The following CSMD1 variants were observed in gnomAD, a reference collection of about 807,000 sequenced individuals.
CSMD1 encodes the protein CUB and sushi domain-containing protein 1.
A neutral mutation model predicts 417.5 loss-of-function variants in CSMD1; 213 were observed. The ratio of observed to expected loss-of-function variants is 0.51; its 90% CI spans 0.46 to 0.57. The LOEUF (loss-of-function observed/expected upper bound fraction) is 0.57. Among genes scored for constraint, CSMD1 ranks in the 20% least tolerant of loss-of-function variants. CSMD1 has a pLI of 0.00. For missense variants in CSMD1, 6,923 were observed against 4,529.7 expected (o/e 1.53, Z -15.17); for synonymous variants, 2,862 against 1,736.8 (o/e 1.65, Z -16.11).
intron 6 of CSMD1, among the ~76,000 whole-genome samples, chr8:3,714,335 C>A (rs900730157): frequency 6.6e-6 from 1 of 150,752 alleles, no homozygotes; most frequent in Non-Finnish European, 1.5e-5. Context: ...AGCTACTAAT[C>A]TTTTATATTT....
intron 1 of CSMD1, among the ~76,000 whole-genome samples, chr8:4,819,308 G>A (rs762608852): frequency 3.3e-5 from 5 of 152,060 alleles, no homozygotes; most frequent in Admixed American, 1.3e-4. Flanking sequence ...TTTACCAATT[G>A]TATTAGACAA....
chr8:4,851,411 G>T (rs1801473747), intron 1 of CSMD1, among the ~76,000 whole-genome samples: 1 of 150,796 alleles, frequency 6.6e-6, no homozygotes. Context: ...TTTTTTTCCT[G>T]GCTGCATCTT....
At chr8:4,427,076 G>A (rs1278963529) in intron 2 of CSMD1, among the ~76,000 whole-genome samples, 3 of 152,054 alleles carry the variant, frequency 2.0e-5, no homozygotes, top group South Asian at 2.1e-4. Flanking sequence ...GGAGATCAAA[G>A]AGCACAGGTG....
intron 1 of CSMD1, among the ~76,000 whole-genome samples, chr8:4,748,681 T>C (rs1811110649): frequency 2.6e-5 from 4 of 152,210 alleles, no homozygotes; most frequent in African/African-American, 4.8e-5. Context: ...TTCAAGTTTG[T>C]AGGGGGTGAA....
At chr8:4,591,275 A>T (rs1187286692) in intron 2 of CSMD1, among the ~76,000 whole-genome samples, 1 of 152,252 alleles carries the variant, frequency 6.6e-6, no homozygotes, top group Non-Finnish European at 1.5e-5. Context: ...GCCAAATGTG[A>T]AGTACGAAGT....
At chr8:4,551,337 T>C (rs926663107) in intron 2 of CSMD1, among the ~76,000 whole-genome samples, 1 of 152,094 alleles carries the variant, frequency 6.6e-6, no homozygotes, top group Non-Finnish European at 1.5e-5. Flanking sequence ...CGGCTGTGAG[T>C]GCCTTTGGTG....
At chr8:4,507,880 A>G (rs922599031) in intron 2 of CSMD1, among the ~76,000 whole-genome samples, 1 of 152,156 alleles carries the variant, frequency 6.6e-6, no homozygotes, top group Non-Finnish European at 1.5e-5. Flanking sequence ...TCAGTTTAAC[A>G]TCTTTGAAAT....
intron 5 of CSMD1, among the ~76,000 whole-genome samples, chr8:3,948,683 T>G (rs1161542054): frequency 3.3e-5 from 5 of 152,140 alleles, no homozygotes; most frequent in Admixed American, 3.3e-4. Context: ...GACCAATGAG[T>G]TCTATTCCAC....
At chr8:4,315,880 A>C (rs1028794665) in intron 3 of CSMD1, among the ~76,000 whole-genome samples, 2 of 152,336 alleles carry the variant, frequency 1.3e-5, no homozygotes, top group Non-Finnish European at 2.9e-5. Context: ...GTAAAATTTT[A>C]AAAACAGGTT....
Position 3,708,442 on chromosome 8 carries a change from G to T in CSMD1, c.981C>A (p.Ser327Arg). The part of the protein sequence containing the change: ...LKSRGVKMLP[S>R]KDGSHKNSVL... Reference sequence around the variant, plus strand: ...CAGAGTTTTTATGGCTTCCATCCTTGCTGGGCAGCATCTTGACTCCTCTTG... The same window carrying T: ...CAGAGTTTTTATGGCTTCCATCCTTTCTGGGCAGCATCTTGACTCCTCTTG... Residue 327 changes from serine (S) to arginine (R), a missense_variant, in exon 7 of 70, where the codon AGC becomes AGA. By Grantham distance (110) the Ser-to-Arg change is moderately radical (BLOSUM62 -1). Coordinates refer to ENST00000635120, the MANE Select transcript of CSMD1 (RefSeq NM_033225.6). 5.6e-6 allele frequency: 9 copies of T among 1,613,928 alleles called. No homozygotes were observed. Among genetic ancestry groups the T allele is most frequent in the East Asian group, 2.2e-5 (1 of 44,872 alleles).
At chr8:4,695,274 T>C (rs1400022964) in intron 1 of CSMD1, among the ~76,000 whole-genome samples, 1 of 152,238 alleles carries the variant, frequency 6.6e-6, no homozygotes, top group African/African-American at 2.4e-5. Context: ...AACCTCTCTC[T>C]CTGACCCTGT....
chr8:4,281,861 TA>T (rs920252631), intron 3 of CSMD1, among the ~76,000 whole-genome samples: 1 of 152,274 alleles, frequency 6.6e-6, no homozygotes, highest in East Asian at 1.9e-4. Flanking sequence ...TAACATGCAT[TA>T]AAAAAATGTT....
intron 5 of CSMD1, among the ~76,000 whole-genome samples, chr8:3,828,183 C>T (rs1484822054): frequency 1.3e-5 from 2 of 152,132 alleles, no homozygotes; most frequent in East Asian, 1.9e-4. Flanking sequence ...CCAAGTTTAA[C>T]CAGTATGCAA....
chr8:4,451,254 C>A lies in CSMD1; in HGVS notation c.303-31189G>T, dbSNP rs193007108. On this transcript the variant is annotated intron_variant, in intron 2 of 69. Coordinates refer to ENST00000635120, the MANE Select transcript of CSMD1 (RefSeq NM_033225.6). ...GCTAAGGAGGGAAGATGGCTTGAGC[C>A]CAGGAGGTCCAGGCGGCAGTGATCC... Among the ~76,000 whole-genome samples, 211 of 152,148 alleles carry A rather than the reference C, an allele frequency of 1.4e-3. 6 individuals are homozygous for A. In the East Asian group the frequency reaches 0.03, roughly 22 times the overall value.
intron 3 of CSMD1, among the ~76,000 whole-genome samples, chr8:4,210,405 A>T (rs574322948): frequency 6.6e-6 from 1 of 152,160 alleles, no homozygotes; most frequent in Non-Finnish European, 1.5e-5. Context: ...TTTATAGTGG[A>T]AACTGGTGGG....
chr8:4,842,777 T>A (rs946649893), intron 1 of CSMD1, among the ~76,000 whole-genome samples: 2 of 152,230 alleles, frequency 1.3e-5, no homozygotes, highest in African/African-American at 4.8e-5. Flanking sequence ...AAATTAATAG[T>A]CACATTACAC....
At chr8:3,075,350 C>T (rs905747177) in intron 49 of CSMD1, among the ~76,000 whole-genome samples, 5 of 148,612 alleles carry the variant, frequency 3.4e-5, no homozygotes, top group African/African-American at 1.2e-4. Context: ...GGTGTGATCT[C>T]GGCTCACCAC....
chr8:4,823,021 C>G (rs1799607191), intron 1 of CSMD1, among the ~76,000 whole-genome samples: 1 of 152,094 alleles, frequency 6.6e-6, no homozygotes, highest in African/African-American at 2.4e-5. Context: ...ATTTGCAGTT[C>G]TCATTCCATC....
intron 23 of CSMD1, among the ~76,000 whole-genome samples, chr8:3,312,095 T>A (rs1459769945): frequency 6.6e-6 from 1 of 152,066 alleles, no homozygotes; most frequent in Non-Finnish European, 1.5e-5. Context: ...TTTCCACTCT[T>A]CTCCAAAAAA....
Sources: gnomAD v4.1 joint callset for allele counts (sites outside exome capture counted in the v4.1 genomes callset) on GRCh38, gnomAD v4.1.1 for gene constraint, MANE v1.5 for transcripts, NCBI Gene and HGNC (gene_info 2026-07-23, HGNC 2026-07-21) for gene names.